Variants in FGF2 observed in about 807,000 individuals in gnomAD.
The protein encoded by FGF2 is fibroblast growth factor 2.
A neutral mutation model predicts 15.9 loss-of-function variants in FGF2; 13 were observed. The ratio of observed to expected loss-of-function variants is 0.82; its 90% CI spans 0.53 to 1.30. The LOEUF (loss-of-function observed/expected upper bound fraction) is 1.30, where lower values mean the gene tolerates loss of function less well. Ranked by LOEUF, FGF2 falls within the 50% of genes most tolerant of loss-of-function variation. FGF2 has a pLI of 0.00. For synonymous variants in FGF2, 90 were observed against 78.4 expected (o/e 1.15, Z -0.78); for missense variants, 163 against 196.9 (o/e 0.83, Z 1.03).
chr4:122,880,245 CT>C (rs569559456), intron 2 of FGF2, among the ~76,000 whole-genome samples: 1,753 of 128,646 alleles, frequency 0.014, 15 homozygotes, highest in Non-Finnish European at 0.019. Flanking sequence ...GCAGTCAAAT[CT>C]TTTTTTTTTT....
intron 1 of FGF2, among the ~76,000 whole-genome samples, chr4:122,848,661 A>G (rs79618186): frequency 0.025 from 3,795 of 152,282 alleles, 175 homozygotes; most frequent in African/African-American, 0.086. Context: ...GGCTGATTAC[A>G]TAGCACTGGT....
At position 122,897,048 on chromosome 4, in the gene FGF2, G is replaced by A. The variant is rs754667365; in HGVS notation, c.*4652G>A. 1 of 152,124 alleles carries A rather than the reference G, an allele frequency of 6.6e-6. No individual in the cohort carries two copies. The highest frequency in any genetic ancestry group is 1.5e-5 in the Non-Finnish European group (1 of 68,020). 9.4% of individuals were successfully genotyped at this position (152,124 alleles called of 1,614,324 possible). On this transcript the variant is annotated 3_prime_UTR_variant, in exon 3 of 3. Transcript: ENST00000644866. ...TTCCTTGTCTTAAATACTGAGCTCA[G>A]TAAGTTGTGTTAGGGGATTATTTCT...
At chr4:122,880,528 G>GTGAGCCAC (rs1369650191) in intron 2 of FGF2, among the ~76,000 whole-genome samples, 4 of 152,024 alleles carry the variant, frequency 2.6e-5, no homozygotes, top group Non-Finnish European at 5.9e-5. Flanking sequence ...GATTACAGGC[G>GTGAGCCAC]TGAGCCACTG....
chr4:122,846,565 AC>A (rs1216062833), intron 1 of FGF2, among the ~76,000 whole-genome samples: 1 of 152,192 alleles, frequency 6.6e-6, no homozygotes, highest in Non-Finnish European at 1.5e-5. Context: ...ACACACCAAC[AC>A]AAGATATATA....
intron 1 of FGF2, among the ~76,000 whole-genome samples, chr4:122,831,486 T>C (rs1278171158): frequency 6.6e-6 from 1 of 152,196 alleles, no homozygotes. Flanking sequence ...TCCCCCCACC[T>C]CTCTTTGGTA....
chr4:122,876,431 A>C lies in FGF2; in HGVS notation c.282+7A>C. ...TGGAAGATTACTGGCTTCTGTAAGCATACTTTCTGTTTTCACACGTTTTTT... is the reference window on the plus strand; with the variant it reads ...TGGAAGATTACTGGCTTCTGTAAGCCTACTTTCTGTTTTCACACGTTTTTT... On this transcript the variant is annotated splice_region_variant and intron_variant, in intron 2 of 2. Coordinates refer to ENST00000644866, the MANE Select transcript of FGF2 (RefSeq NM_001361665.2). 2 of 1,564,536 alleles carry C rather than the reference A, an allele frequency of 1.3e-6. No homozygotes were observed. The highest frequency in any genetic ancestry group is 2.7e-5 in the African/African-American group (2 of 74,030).
At chr4:122,829,454 A>G (rs1268024480) in intron 1 of FGF2, among the ~76,000 whole-genome samples, 2 of 152,234 alleles carry the variant, frequency 1.3e-5, no homozygotes, top group African/African-American at 4.8e-5. Context: ...ACTAGTACTC[A>G]GGTTGAGAAC....
At chr4:122,852,276 A>G (rs1435869275) in intron 1 of FGF2, among the ~76,000 whole-genome samples, 3 of 152,188 alleles carry the variant, frequency 2.0e-5, no homozygotes, top group Non-Finnish European at 4.4e-5. Flanking sequence ...CTTTACTTAC[A>G]TGTCCAATAC....
chr4:122,876,365 A>T lies in FGF2; in HGVS notation c.223A>T (p.Lys75Ter). The change falls in exon 2 of 3, where the codon AAA (lysine) becomes TAA (stop). Residue 75 changes from lysine to a stop codon, truncating the protein, a stop_gained. Transcript: ENST00000644866. LOFTEE classifies it high-confidence loss of function. ...QAEERGVVSI[K>*]GVCANRYLAM... is the part of the protein sequence containing the mutation. ...AGAAGAGAGAGGAGTTGTGTCTATCAAAGGAGTGTGTGCTAACCGTTACCT... is the reference window on the plus strand; with the variant it reads ...AGAAGAGAGAGGAGTTGTGTCTATCTAAGGAGTGTGTGCTAACCGTTACCT... 2 of 1,613,700 alleles carry T rather than the reference A, an allele frequency of 1.2e-6. No homozygotes were observed. Among genetic ancestry groups the T allele is most frequent in the Non-Finnish European group, 1.7e-6 (2 of 1,179,720 alleles).
intron 2 of FGF2, chr4:122,884,400 CAGG>C (rs1235465686): frequency 6.6e-6 from 1 of 152,140 alleles, no homozygotes; most frequent in African/African-American, 2.4e-5. Flanking sequence ...GAGGCTGAGG[CAGG>C]AGAATTGCTT....
chr4:122,844,932 C>T (rs562673837), intron 1 of FGF2, among the ~76,000 whole-genome samples: 1 of 152,322 alleles, frequency 6.6e-6, no homozygotes, highest in East Asian at 1.9e-4. Flanking sequence ...TTACCATGCC[C>T]AGCCTCCAGA....
chr4:122,868,281 C>G (rs1726648099), intron 1 of FGF2, among the ~76,000 whole-genome samples: 1 of 152,168 alleles, frequency 6.6e-6, no homozygotes, highest in Non-Finnish European at 1.5e-5. Flanking sequence ...ACTCCCCACC[C>G]CACAACAGGC....
chr4:122,833,003 A>G (rs887634664), intron 1 of FGF2, among the ~76,000 whole-genome samples: 23 of 152,322 alleles, frequency 1.5e-4, no homozygotes, highest in African/African-American at 4.8e-4. Flanking sequence ...CTCATTCTAA[A>G]CACCTTCAGA....
chr4:122,863,391 T>C (rs745740234), intron 1 of FGF2, among the ~76,000 whole-genome samples: 2 of 152,200 alleles, frequency 1.3e-5, no homozygotes, highest in African/African-American at 2.4e-5. Flanking sequence ...GATTGTTTGA[T>C]CTATAGAGTT....
chr4:122,876,093 CA>C (rs1578475091), intron 1 of FGF2, among the ~76,000 whole-genome samples: 1 of 152,236 alleles, frequency 6.6e-6, no homozygotes, highest in East Asian at 1.9e-4. Context: ...ACAGGAGCGA[CA>C]AGGAACTCAC....
chr4:122,870,860 G>C (rs1192838438), intron 1 of FGF2, among the ~76,000 whole-genome samples: 1 of 151,696 alleles, frequency 6.6e-6, no homozygotes, highest in African/African-American at 2.4e-5. Flanking sequence ...CTTGTTTTCT[G>C]CTAGCTTTTG....
At chr4:122,891,283 G>T (rs145822233) in intron 2 of FGF2, among the ~76,000 whole-genome samples, 2,969 of 151,800 alleles carry the variant, frequency 0.02, 102 homozygotes, top group African/African-American at 0.067. Flanking sequence ...CTCGTGATCC[G>T]CCCGTCTCGG....
intron 2 of FGF2, 140 bp from the exon 3 acceptor site, chr4:122,892,071 T>C (rs573241036): frequency 3.2e-5 from 24 of 744,242 alleles, no homozygotes; most frequent in Admixed American, 2.6e-4. Flanking sequence ...TGAATCTTGT[T>C]AGTTTGATTG....
rs10470916 is a variant in FGF2 at position 122,836,537 on chromosome 4, G to T, written c.178+9185G>T. 7.3e-3 allele frequency among the ~76,000 whole-genome samples: 1,108 copies of T among 152,238 alleles called. 8 individuals are homozygous for T. Among genetic ancestry groups the T allele is most frequent in the African/African-American group, 0.025 (1,030 of 41,524 alleles). On this transcript the variant is annotated intron_variant, in intron 1 of 2. Transcript: ENST00000644866. Reference sequence around the variant, plus strand: ...TTTACTGGAAATTCCTAGCTGGCAAGAAATTTTTATTTTTAAAAAATCCAG... The same window carrying T: ...TTTACTGGAAATTCCTAGCTGGCAATAAATTTTTATTTTTAAAAAATCCAG...
Sources: allele counts gnomAD v4.1 joint callset (sites outside exome capture counted in the v4.1 genomes callset), GRCh38; gene constraint gnomAD v4.1.1; transcripts MANE v1.5; gene names NCBI Gene and HGNC (gene_info 2026-07-23, HGNC 2026-07-21).